The following KISS1 variants were observed in gnomAD, a reference collection of about 807,000 sequenced individuals.
The protein encoded by KISS1 is metastasis-suppressor KiSS-1.
For synonymous variants in KISS1, 97 were observed against 88.7 expected, an observed-to-expected ratio of 1.09 and a Z score of -0.52; for missense variants, 182 against 182.7, an observed-to-expected ratio of 1.00 and a Z score of 0.02.
intron 1 of KISS1, among the ~76,000 whole-genome samples, chr1:204,195,122 C>A (rs1461786911): frequency 4.1e-5 from 5 of 120,918 alleles, no homozygotes; most frequent in Middle Eastern, 3.9e-3. Flanking sequence ...GACAACTCTG[C>A]CTGACCCCAG....
chr1:204,190,478 G>T lies in KISS1; in HGVS notation c.*6C>A. ...GTCTGAAGTTCACTGCCCCGCACCTGCGCCCTCAGCCCCGCCCAGCGCTTC... is the reference window on the plus strand; with the variant it reads ...GTCTGAAGTTCACTGCCCCGCACCTTCGCCCTCAGCCCCGCCCAGCGCTTC... On this transcript the variant is annotated 3_prime_UTR_variant, in exon 3 of 3. Transcript: ENST00000367194. The T allele has an allele frequency of 6.5e-7, 1 of 1,541,340 alleles. No individual in the cohort carries two copies. Among genetic ancestry groups the T allele is most frequent in the Non-Finnish European group, 8.7e-7 (1 of 1,145,020 alleles).
Position 204,190,877 on chromosome 1 carries a change from CCTT to C in KISS1, c.104-83_104-81del, listed in dbSNP as rs999073621. 8 of 1,208,176 alleles carry C rather than the reference CCTT, an allele frequency of 6.6e-6. No homozygotes were observed. The African/African-American group carries it at 1.1e-4, about 16-fold the overall frequency. The allele number at this position is 1,208,176 out of a possible 1,614,324, so 74.8% of individuals were successfully genotyped here. ...AACACCTCCTGTCATCCCATCCTAT[CCTT>C]CTTTTCCTTCCTTGACCTTTTGGAA... On this transcript the variant is annotated intron_variant, in intron 2 of 2. Transcript: ENST00000367194.
chr1:204,190,632 T>C lies in KISS1; in HGVS notation c.269A>G (p.His90Arg), dbSNP rs930280173. 1.3e-6 allele frequency: 2 copies of C among 1,584,126 alleles called. No individual in the cohort carries two copies. The highest frequency in any genetic ancestry group is 2.7e-5 in the African/African-American group (2 of 74,110). The change falls in exon 3 of 3, where the codon CAC becomes CGC. Residue 90 changes from histidine to arginine, a missense_variant. Coordinates refer to ENST00000367194, the MANE Select transcript of KISS1 (RefSeq NM_002256.4). ...CTGGGGTGCGGGGATCTGGCGGCTG[T>C]GGGGGGCGGACAGGCCCGGCTGCTG... ...SPQQPGLSAP[H>R]SRQIPAPQGA...
Position 204,192,406 on chromosome 1 carries a change from C to T in KISS1, c.103+368G>A, listed in dbSNP as rs35737316. On this transcript the variant is annotated intron_variant, in intron 2 of 2. Transcript: ENST00000367194. This position sits in a 1 kb window ranked among gnomAD's most constrained non-coding sequence, Gnocchi z 4.2. ...CTTTGGTTTAGGTTTTTTTTTTTTT[C>T]CAAATTCTCCACAAAGAATCTGAGG... Among the ~76,000 whole-genome samples, 42,883 of 147,080 alleles carry T rather than the reference C, an allele frequency of 0.29. 6,359 individuals carry two copies. The highest frequency in any genetic ancestry group is 0.43 in the East Asian group (2,175 of 5,030).
In KISS1 at chr1:204,190,559, C is replaced by G; in HGVS notation, c.342G>C (p.Trp114Cys). The change falls in exon 3 of 3, where the codon TGG (tryptophan) becomes TGC (cysteine). Residue 114 changes from tryptophan to cysteine, a missense_variant. Coordinates refer to ENST00000367194, the MANE Select transcript of KISS1 (RefSeq NM_002256.4). Reference sequence around the variant, plus strand: ...TGCCGAAGCGCAGGCCGAAGGAGTTCCAGTTGTAGTTCGGCAGGTCCTTCT... The same window carrying G: ...TGCCGAAGCGCAGGCCGAAGGAGTTGCAGTTGTAGTTCGGCAGGTCCTTCT... ...QREKDLPNYN[W>C]NSFGLRFGKR... 2 of 1,608,540 alleles carry G rather than the reference C, an allele frequency of 1.2e-6. No homozygotes were observed. The highest frequency in any genetic ancestry group is 1.7e-6 in the Non-Finnish European group (2 of 1,178,132).
At chr1:204,194,393 G>T (rs1281813362) in intron 1 of KISS1, among the ~76,000 whole-genome samples, 1 of 152,206 alleles carries the variant, frequency 6.6e-6, no homozygotes, top group Non-Finnish European at 1.5e-5. Flanking sequence ...CTGGGGCACG[G>T]AGTAGAGGTA....
At chr1:204,191,371 A>C (rs1247016532) in intron 2 of KISS1, among the ~76,000 whole-genome samples, 1 of 113,952 alleles carries the variant, frequency 8.8e-6, no homozygotes. Flanking sequence ...ACCCCGCCCA[A>C]TAAGCTACAT....
At chr1:204,195,372 CCTATACACACACATCATG>C (rs1658834852) in intron 1 of KISS1, among the ~76,000 whole-genome samples, 6 of 138,428 alleles carry the variant, frequency 4.3e-5, no homozygotes, top group African/African-American at 1.1e-4. Flanking sequence ...CACACATACA[CCTATACACACACATCATG>C]CACACACACC....
chr1:204,195,502 A>G (rs568806425), intron 1 of KISS1, among the ~76,000 whole-genome samples: 1 of 149,888 alleles, frequency 6.7e-6, no homozygotes, highest in Non-Finnish European at 1.5e-5. Flanking sequence ...ATACACACAC[A>G]TACACCACAC....
At chr1:204,194,004 T>A (rs1334612170) in intron 1 of KISS1, among the ~76,000 whole-genome samples, 2 of 152,154 alleles carry the variant, frequency 1.3e-5, no homozygotes, top group Non-Finnish European at 2.9e-5. Context: ...GAAGGGGGAC[T>A]GGGGGATGAG....
In KISS1 at chr1:204,195,114, C is replaced by T. The variant is rs1484081182; in HGVS notation, c.-39+1262G>A. Among the ~76,000 whole-genome samples, 4 of 42,192 alleles carry T rather than the reference C, an allele frequency of 9.5e-5. No homozygotes were observed. The East Asian group carries it at 3.0e-3, about 32-fold the overall frequency. 27.7% of individuals were successfully genotyped at this position (42,192 alleles called of 152,430 possible). ...GGCACTTACCATGTGCGCCATGGGA[C>T]AACTCTGCCTGACCCCAGCACACAC... is the stretch of plus-strand genomic sequence containing the variant. On this transcript the variant is annotated intron_variant, in intron 1 of 2. Transcript: ENST00000367194.
At position 204,192,436 on chromosome 1, in the gene KISS1, C is replaced by T. The variant is rs545901135; in HGVS notation, c.103+338G>A. ...TTCTCCACAAAGAATCTGAGGTCAC[C>T]GATAAAGCAAGGTTGCATATGAAGT... On this transcript the variant is annotated intron_variant, in intron 2 of 2. Coordinates refer to ENST00000367194, the MANE Select transcript of KISS1 (RefSeq NM_002256.4). This position sits in a 1 kb window ranked among gnomAD's most constrained non-coding sequence, Gnocchi z 4.2. 6.6e-6 allele frequency among the ~76,000 whole-genome samples: 1 copy of T among 151,616 alleles called. No homozygotes were observed. The highest frequency in any genetic ancestry group is 2.4e-5 in the African/African-American group (1 of 41,232).
Position 204,190,615 on chromosome 1 carries a change from C to T in KISS1, c.286G>A (p.Ala96Thr), listed in dbSNP as rs779538080. Residue 96 changes from alanine to threonine, a missense_variant, in exon 3 of 3, where the codon GCA becomes ACA. Transcript: ENST00000367194. The stretch of plus-strand genomic sequence containing the variant: ...TGCACCAGCACCGCGCCCTGGGGTG[C>T]GGGGATCTGGCGGCTGTGGGGGGCG... ...LSAPHSRQIP[A>T]PQGAVLVQRE... 1.3e-6 allele frequency: 2 copies of T among 1,588,882 alleles called. No individual in the cohort carries two copies. Among genetic ancestry groups the T allele is most frequent in the Admixed American group, 1.8e-5 (1 of 56,618 alleles).
rs12998 is a variant in KISS1, at chr1:204,192,819, C to T, written c.58G>A (p.Glu20Lys). 60,996 of 1,599,480 alleles carry T rather than the reference C, an allele frequency of 0.038. 1,269 individuals carry two copies. The highest frequency in any genetic ancestry group is 0.047 in the Middle Eastern group (283 of 6,048). The change falls in exon 2 of 3, where the codon GAG (glutamate) becomes AAG (lysine). Residue 20 changes from glutamate to lysine, a missense_variant. By Grantham distance (56) the Glu-to-Lys change is moderately conservative. Transcript: ENST00000367194. The surrounding 1 kb of genome is among the most constrained non-coding windows in gnomAD (Gnocchi z 4.2). ...LLFLCATHFG[E>K]PLEKVASVGN... ...ACAGAGGCCACCTTTTCTAATGGCTCCCCAAAGTGGGTGGCACAGAGGAAA... is the reference window on the plus strand; with the variant it reads ...ACAGAGGCCACCTTTTCTAATGGCTTCCCAAAGTGGGTGGCACAGAGGAAA...
chr1:204,195,884 C>T (rs1261739023), intron 1 of KISS1, among the ~76,000 whole-genome samples: 1 of 152,102 alleles, frequency 6.6e-6, no homozygotes, highest in East Asian at 1.9e-4. Flanking sequence ...GGTTTGTATC[C>T]AGTGAGTGAC....
In KISS1 at chr1:204,190,766, G is replaced by C. The variant is rs759715799; in HGVS notation, c.135C>G (p.Ala45=). 1 of 1,611,646 alleles carries C rather than the reference G, an allele frequency of 6.2e-7. No individual in the cohort carries two copies. Residue 45 remains alanine (A), a synonymous_variant, in exon 3 of 3, where the codon GCC becomes GCG. Coordinates refer to ENST00000367194, the MANE Select transcript of KISS1 (RefSeq NM_002256.4). ...TGCACGGCAGGCTCTGCTCCCCGGG[G>C]GCCAGGAGGCCCAGGGATTCTAGCT... ...GQQLESLGLL[A]PGEQSLPCTE...
intron 1 of KISS1, among the ~76,000 whole-genome samples, chr1:204,193,873 A>G (rs1658791901): frequency 6.6e-6 from 1 of 152,028 alleles, no homozygotes; most frequent in South Asian, 2.1e-4. Flanking sequence ...AAGTCACCAG[A>G]CACTTTGAGA....
rs778507914 is a variant in KISS1 at position 204,192,752 on chromosome 1, C to G, written c.103+22G>C. On this transcript the variant is annotated intron_variant, in intron 2 of 2. Coordinates refer to ENST00000367194, the MANE Select transcript of KISS1 (RefSeq NM_002256.4). This position sits in a 1 kb window ranked among gnomAD's most constrained non-coding sequence, Gnocchi z 4.2. ...AACAACCCACTTGCTCCCTCCCACT[C>G]CTTTCCCCAGAGGATACATACCTGT... 6.7e-6 allele frequency: 10 copies of G among 1,490,474 alleles called. No individual in the cohort carries two copies. The highest frequency in any genetic ancestry group is 1.4e-5 in the African/African-American group (1 of 72,936). 92.3% of individuals were successfully genotyped at this position (1,490,474 alleles called of 1,614,324 possible).
At chr1:204,195,256 CATCATACA>C (rs1658825791) in intron 1 of KISS1, among the ~76,000 whole-genome samples, 3 of 87,714 alleles carry the variant, frequency 3.4e-5, no homozygotes, top group Admixed American at 1.3e-4. Context: ...CATACACACA[CATCATACA>C]CACACACATA....
Sources: allele counts gnomAD v4.1 joint callset (sites outside exome capture counted in the v4.1 genomes callset), GRCh38; gene constraint gnomAD v4.1.1; non-coding constraint Gnocchi (gnomAD v3.1); transcripts MANE v1.5; gene names NCBI Gene and HGNC (gene_info 2026-07-23, HGNC 2026-07-21).